LRRC49: variants seen among roughly 807,000 people sequenced by gnomAD.
The protein encoded by LRRC49 is leucine rich repeat containing 49.
A neutral mutation model predicts 83.3 loss-of-function variants in LRRC49; 50 were observed. That is an observed-to-expected ratio of 0.60 (90% CI 0.48 to 0.76). LRRC49 has a LOEUF of 0.76. Ranked by LOEUF, LRRC49 falls within the 30% of genes least tolerant of loss-of-function variation. The pLI is 0.00. For synonymous variants in LRRC49, 286 were observed against 283.3 expected (o/e 1.01, Z -0.10); for missense variants, 704 against 809.1 (o/e 0.87, Z 1.58).
chr15:71,005,101 A>G (rs751196552), intron 11 of LRRC49, among the ~76,000 whole-genome samples: 1 of 152,180 alleles, frequency 6.6e-6, no homozygotes, highest in Non-Finnish European at 1.5e-5. Flanking sequence ...TTTATTTTCC[A>G]TACAAAATAA....
chr15:70,918,202 C>T (rs2034863764), intron 6 of LRRC49: 1 of 152,532 alleles, frequency 6.6e-6, no homozygotes. Flanking sequence ...CCCATGCTCA[C>T]TCACACTCCC....
At chr15:70,935,207 T>C (rs926202196) in intron 7 of LRRC49, among the ~76,000 whole-genome samples, 1 of 152,216 alleles carries the variant, frequency 6.6e-6, no homozygotes, top group Non-Finnish European at 1.5e-5. Context: ...ATAGGCTTCA[T>C]GGGAGTGGGC....
intron 9 of LRRC49, among the ~76,000 whole-genome samples, chr15:70,970,260 G>C (rs571492235): frequency 6.6e-6 from 1 of 152,170 alleles, no homozygotes; most frequent in African/African-American, 2.4e-5. Flanking sequence ...CATTGGTTCT[G>C]TTTATGTGAT....
intron 7 of LRRC49, among the ~76,000 whole-genome samples, chr15:70,930,985 T>C (rs2035385781): frequency 6.6e-6 from 1 of 152,212 alleles, no homozygotes; most frequent in Admixed American, 6.6e-5. Context: ...TATTTATTAA[T>C]TGTGTGTTCC....
At chr15:71,041,836 TA>T (rs2039707103) in intron 15 of LRRC49, among the ~76,000 whole-genome samples, 1 of 152,156 alleles carries the variant, frequency 6.6e-6, no homozygotes, top group African/African-American at 2.4e-5. Flanking sequence ...AGGCTAGCAC[TA>T]TTAGATATTA....
chr15:70,916,684 T>C (rs2034789252), intron 6 of LRRC49, among the ~76,000 whole-genome samples: 1 of 152,172 alleles, frequency 6.6e-6, no homozygotes, highest in Non-Finnish European at 1.5e-5. Flanking sequence ...GCTGGGGCTG[T>C]GGGCTCCATG....
upstream of LRRC49, chr15:70,892,159 C>A (rs1189604503): frequency 9.3e-6 from 15 of 1,612,364 alleles, no homozygotes; most frequent in African/African-American, 1.9e-4. Context: ...CGCGGCAACC[C>A]CGCACGAAGC....
chr15:70,854,263 GCCA>G, intron 1 of LRRC49: 1 of 239,254 alleles, frequency 4.2e-6, no homozygotes, highest in Non-Finnish European at 6.8e-6. Context: ...CGCCGCCGCC[GCCA>G]CCACCCCGAC....
chr15:70,952,353 T>A (rs1382166349), intron 8 of LRRC49, among the ~76,000 whole-genome samples: 1 of 152,114 alleles, frequency 6.6e-6, no homozygotes, highest in Non-Finnish European at 1.5e-5. Flanking sequence ...CTCTTCTTTG[T>A]ATATCTGGTA....
At chr15:70,909,645 C>A (rs1430513138) in intron 5 of LRRC49, among the ~76,000 whole-genome samples, 4 of 152,120 alleles carry the variant, frequency 2.6e-5, no homozygotes, top group African/African-American at 9.7e-5. Context: ...TCAAGACCAT[C>A]CTGCCCAACA....
chr15:70,861,478 G>A (rs979272614), intron 1 of LRRC49, among the ~76,000 whole-genome samples: 5 of 145,218 alleles, frequency 3.4e-5, no homozygotes, highest in Non-Finnish European at 3.1e-5. Context: ...AATGGAAGTC[G>A]GGTCATTGCT....
At chr15:70,999,163 C>A (rs748733246) in intron 11 of LRRC49, among the ~76,000 whole-genome samples, 1 of 152,172 alleles carries the variant, frequency 6.6e-6, no homozygotes, top group Non-Finnish European at 1.5e-5. Flanking sequence ...AATGCCTGGG[C>A]TTCCTCAGGG....
intron 7 of LRRC49, among the ~76,000 whole-genome samples, chr15:70,921,109 A>C (rs2034989496): frequency 6.6e-6 from 1 of 152,140 alleles, no homozygotes; most frequent in South Asian, 2.1e-4. Flanking sequence ...TAACCATAAG[A>C]TCTCACTCTA....
intron 15 of LRRC49, among the ~76,000 whole-genome samples, chr15:71,043,280 C>A (rs963539999): frequency 2.6e-5 from 4 of 152,160 alleles, no homozygotes; most frequent in Non-Finnish European, 5.9e-5. Flanking sequence ...TGCTCTATAA[C>A]AAACCCCACT....
intron 1 of LRRC49, among the ~76,000 whole-genome samples, chr15:70,855,104 C>G (rs952028644): frequency 6.6e-6 from 1 of 152,012 alleles, no homozygotes; most frequent in Non-Finnish European, 1.5e-5. Context: ...GAGGCCCAGG[C>G]GGGCGGATCA....
chr15:70,936,551 C>T (rs1026959967), intron 7 of LRRC49: 5 of 465,282 alleles, frequency 1.1e-5, no homozygotes, highest in African/African-American at 7.8e-5. Flanking sequence ...TTTTACCTTG[C>T]GAGTGGTGCA....
upstream of LRRC49, chr15:70,892,463 T>A: frequency 6.5e-7 from 1 of 1,532,848 alleles, no homozygotes; most frequent in South Asian, 1.2e-5. Context: ...CTCTTTGATA[T>A]CTTCCTCCTC....
intron 2 of LRRC49, among the ~76,000 whole-genome samples, chr15:70,876,033 A>C (rs183213696): frequency 2.2e-4 from 33 of 152,146 alleles, no homozygotes; most frequent in Non-Finnish European, 4.4e-5. Context: ...AGACAGGCTT[A>C]AGTGCATGTT....
chr15:71,016,363 C>T (rs2038827284), intron 14 of LRRC49, among the ~76,000 whole-genome samples: 2 of 151,446 alleles, frequency 1.3e-5, no homozygotes, highest in Admixed American at 1.3e-4. Context: ...GGGATGTGAC[C>T]AAAGCTGTGC....
Sources: gnomAD v4.1 joint callset for allele counts (sites outside exome capture counted in the v4.1 genomes callset) on GRCh38, gnomAD v4.1.1 for gene constraint, MANE v1.5 for transcripts, NCBI Gene and HGNC (gene_info 2026-07-23, HGNC 2026-07-21) for gene names.